Variants in AUH observed in about 807,000 individuals in gnomAD.
AUH encodes the protein AU RNA binding methylglutaconyl-CoA hydratase, also known as methylglutaconyl-CoA hydratase, mitochondrial.
A neutral mutation model predicts 42.3 loss-of-function variants in AUH; 29 were observed. The ratio of observed to expected loss-of-function variants is 0.69; its 90% CI spans 0.51 to 0.93. The LOEUF (loss-of-function observed/expected upper bound fraction) is 0.93. AUH is among the 40% of genes least tolerant of loss of function. The pLI is 0.00. For synonymous variants in AUH, 174 were observed against 166.4 expected, an observed-to-expected ratio of 1.05 and a Z score of -0.35; for missense variants, 452 against 438.1, an observed-to-expected ratio of 1.03 and a Z score of -0.28.
At chr9:91,244,074 G>T (rs1385189812) in intron 6 of AUH, among the ~76,000 whole-genome samples, 1 of 151,982 alleles carries the variant, frequency 6.6e-6, no homozygotes, top group African/African-American at 2.4e-5. Context: ...CATATCTCAA[G>T]AAAAACAAAA....
intron 3 of AUH, among the ~76,000 whole-genome samples, chr9:91,340,771 T>C (rs1027725734): frequency 6.6e-6 from 1 of 152,184 alleles, no homozygotes; most frequent in Non-Finnish European, 1.5e-5. Flanking sequence ...AACTGACCCC[T>C]GCTCCTCCAG....
intron 6 of AUH, among the ~76,000 whole-genome samples, chr9:91,242,676 T>C (rs1018459593): frequency 8.5e-5 from 13 of 152,218 alleles, no homozygotes; most frequent in African/African-American, 2.9e-4. Context: ...GAACACTCCA[T>C]TTCATAAAAA....
chr9:91,270,590 T>C (rs1825038162), intron 6 of AUH, among the ~76,000 whole-genome samples: 1 of 152,116 alleles, frequency 6.6e-6, no homozygotes, highest in African/African-American at 2.4e-5. Context: ...AGACTCAAAG[T>C]AGACACCCCT....
intron 4 of AUH, among the ~76,000 whole-genome samples, chr9:91,304,431 C>T (rs1828053484): frequency 6.6e-6 from 1 of 152,210 alleles, no homozygotes; most frequent in Non-Finnish European, 1.5e-5. Flanking sequence ...CCAACTCCTC[C>T]CTAATACTGC....
At chr9:91,317,635 ATTG>A (rs1316302018) in intron 4 of AUH, among the ~76,000 whole-genome samples, 1 of 152,134 alleles carries the variant, frequency 6.6e-6, no homozygotes, top group Non-Finnish European at 1.5e-5. Flanking sequence ...GTCCTTATTT[ATTG>A]TTGTTTCCTG....
chr9:91,313,674 C>T (rs1828893271), intron 4 of AUH, among the ~76,000 whole-genome samples: 2 of 141,576 alleles, frequency 1.4e-5, no homozygotes, highest in South Asian at 2.2e-4. Flanking sequence ...CACTGCAGTC[C>T]GCAGTCCGGC....
At chr9:91,314,721 T>G (rs78658420) in intron 4 of AUH, among the ~76,000 whole-genome samples, 2 of 151,762 alleles carry the variant, frequency 1.3e-5, no homozygotes, top group African/African-American at 4.8e-5. Context: ...TAGCCGCCAT[T>G]AGGCTTTCTT....
intron 4 of AUH, among the ~76,000 whole-genome samples, chr9:91,313,433 CG>C (rs1393917932): frequency 6.6e-6 from 1 of 152,014 alleles, no homozygotes; most frequent in Admixed American, 6.5e-5. Context: ...TGGCCGGGCG[CG>C]GTGGCTCACG....
chr9:91,230,202 C>T (rs1213197309), intron 6 of AUH, among the ~76,000 whole-genome samples: 2 of 151,980 alleles, frequency 1.3e-5, no homozygotes, highest in South Asian at 2.1e-4. Flanking sequence ...ACCAATCAGA[C>T]GTAGATTTGG....
intron 4 of AUH, among the ~76,000 whole-genome samples, chr9:91,305,647 A>G (rs1828155391): frequency 6.6e-6 from 1 of 152,154 alleles, no homozygotes; most frequent in South Asian, 2.1e-4. Context: ...TTATGTATCT[A>G]GCAAATACTT....
intron 4 of AUH, among the ~76,000 whole-genome samples, chr9:91,307,858 T>C (rs1266413386): frequency 3.3e-5 from 5 of 152,010 alleles, no homozygotes; most frequent in Non-Finnish European, 5.9e-5. Context: ...GGGTCAACTA[T>C]TGCATAAAGA....
intron 3 of AUH, among the ~76,000 whole-genome samples, chr9:91,332,208 G>A (rs866685640): frequency 1.1e-4 from 17 of 152,104 alleles, no homozygotes; most frequent in Non-Finnish European, 2.1e-4. Context: ...AAAACATACC[G>A]CATTTAAAAC....
intron 4 of AUH, among the ~76,000 whole-genome samples, chr9:91,306,105 TTC>T (rs1828199165): frequency 6.6e-6 from 1 of 152,064 alleles, no homozygotes; most frequent in African/African-American, 2.4e-5. Context: ...TGTAATCGAG[TTC>T]TGACTTGAGT....
At chr9:91,311,178 T>C (rs950248973) in intron 4 of AUH, among the ~76,000 whole-genome samples, 12 of 152,336 alleles carry the variant, frequency 7.9e-5, no homozygotes, top group African/African-American at 2.9e-4. Context: ...CAGTAGATTT[T>C]CAATCACATG....
chr9:91,353,735 G>A (rs987232768), intron 3 of AUH, among the ~76,000 whole-genome samples: 1 of 150,268 alleles, frequency 6.7e-6, no homozygotes, highest in Non-Finnish European at 1.5e-5. Flanking sequence ...CTACTCGGGA[G>A]GCTGAGGCAG....
intron 6 of AUH, among the ~76,000 whole-genome samples, chr9:91,243,968 ATTC>A (rs1828656048): frequency 6.6e-6 from 1 of 152,228 alleles, no homozygotes; most frequent in Non-Finnish European, 1.5e-5. Context: ...GGAATGAGCC[ATTC>A]TTCTTAGCAT....
intron 6 of AUH, among the ~76,000 whole-genome samples, chr9:91,231,547 A>C (rs1361296112): frequency 6.6e-6 from 1 of 152,126 alleles, no homozygotes; most frequent in Non-Finnish European, 1.5e-5. Flanking sequence ...TGTAGACCGG[A>C]GCTGTTCCTA....
intron 1 of AUH, among the ~76,000 whole-genome samples, chr9:91,356,466 C>T (rs537497739): frequency 1.3e-5 from 2 of 152,326 alleles, no homozygotes; most frequent in Admixed American, 1.3e-4. Flanking sequence ...AACCTTGTCA[C>T]ATGCAGGTAT....
chr9:91,262,581 G>A (rs553998758), intron 6 of AUH, among the ~76,000 whole-genome samples: 13 of 152,216 alleles, frequency 8.5e-5, no homozygotes, highest in African/African-American at 2.9e-4. Context: ...CAGTTGCTAT[G>A]AGCCAGGCAC....
Sources: allele counts gnomAD v4.1 joint callset (sites outside exome capture counted in the v4.1 genomes callset), GRCh38; gene constraint gnomAD v4.1.1; transcripts MANE v1.5; gene names NCBI Gene and HGNC (gene_info 2026-07-23, HGNC 2026-07-21).